Variants in LYN observed in about 807,000 individuals in gnomAD.
The protein encoded by LYN is tyrosine-protein kinase Lyn.
In LYN, 12 loss-of-function variants were observed where a neutral mutation model predicts 65.0. The observed-to-expected ratio is 0.18, with a 90% CI of 0.12 to 0.30. LYN has a LOEUF of 0.30. Ranked by LOEUF, LYN falls within the 10% of genes least tolerant of loss-of-function variation. The pLI is 1.00. For missense variants in LYN, 380 were observed against 623.2 expected (o/e 0.61, Z 4.16); for synonymous variants, 222 against 221.2 (o/e 1.00, Z -0.03).
chr8:56,011,931 G>T lies in LYN; in HGVS notation c.*1821G>T, dbSNP rs1048392023. Reference sequence around the variant, plus strand: ...ATGTTACATGGAGAGGAACTATAAAGAATCCCTAAGGCAAAAAGAAGTCTC... The same window carrying T: ...ATGTTACATGGAGAGGAACTATAAATAATCCCTAAGGCAAAAAGAAGTCTC... On this transcript the variant is annotated 3_prime_UTR_variant, in exon 13 of 13. Coordinates refer to ENST00000519728, the MANE Select transcript of LYN (RefSeq NM_002350.4). The T allele has an allele frequency of 1.1e-5, 2 of 187,346 alleles. No individual in the cohort carries two copies. Among genetic ancestry groups the T allele is most frequent in the East Asian group, 8.6e-5 (1 of 11,674 alleles). The allele number at this position is 187,346 out of a possible 1,614,324, so 11.6% of individuals were successfully genotyped here.
intron 1 of LYN, among the ~76,000 whole-genome samples, chr8:55,897,628 A>G (rs1160288916): frequency 1.3e-5 from 2 of 152,060 alleles, no homozygotes; most frequent in African/African-American, 4.8e-5. Context: ...AATAACTTTT[A>G]AGGTCAGGTG....
chr8:55,931,912 A>G (rs1015199260), intron 1 of LYN, among the ~76,000 whole-genome samples: 3 of 152,232 alleles, frequency 2.0e-5, no homozygotes, highest in South Asian at 2.1e-4. Context: ...TTCAAATGAC[A>G]TATCAACATT....
intron 12 of LYN, among the ~76,000 whole-genome samples, chr8:56,004,696 A>G (rs1331344570): frequency 6.6e-6 from 1 of 152,202 alleles, no homozygotes; most frequent in Non-Finnish European, 1.5e-5. Context: ...TGCTGCATAT[A>G]GTTCTAAATA....
intron 1 of LYN, among the ~76,000 whole-genome samples, chr8:55,910,848 T>C (rs982785745): frequency 6.6e-6 from 1 of 151,582 alleles, no homozygotes; most frequent in Non-Finnish European, 1.5e-5. Context: ...GCACCTCTGC[T>C]TTTTGTAGTT....
intron 12 of LYN, among the ~76,000 whole-genome samples, chr8:56,002,424 A>G (rs1445853601): frequency 2.0e-5 from 3 of 146,428 alleles, no homozygotes; most frequent in Non-Finnish European, 4.4e-5. Flanking sequence ...ATCTTAAAAA[A>G]ATAAAAAAAA....
chr8:55,917,365 G>T (rs1442161681), intron 1 of LYN, among the ~76,000 whole-genome samples: 1 of 152,052 alleles, frequency 6.6e-6, no homozygotes, highest in African/African-American at 2.4e-5. Flanking sequence ...TTAGTTTTTT[G>T]TAGAGATAGG....
At chr8:55,960,911 G>T (rs931227120) in intron 8 of LYN, among the ~76,000 whole-genome samples, 4 of 152,170 alleles carry the variant, frequency 2.6e-5, no homozygotes, top group Non-Finnish European at 4.4e-5. Context: ...TCTTGTTTGT[G>T]TGATCCTTGT....
chr8:56,009,776 A>G (rs772001798), intron 12 of LYN, 132 bp from the exon 13 acceptor site: 2 of 720,622 alleles, frequency 2.8e-6, no homozygotes, highest in South Asian at 3.7e-5. Flanking sequence ...TCAACCCCTA[A>G]CAGCCTCAGT....
At chr8:55,927,496 C>T (rs1376851636) in intron 1 of LYN, among the ~76,000 whole-genome samples, 2 of 152,086 alleles carry the variant, frequency 1.3e-5, no homozygotes, top group South Asian at 2.1e-4. Context: ...TATCCATTCA[C>T]CTAATGAAGG....
intron 10 of LYN, among the ~76,000 whole-genome samples, chr8:55,977,751 C>CAA (rs35305537): frequency 0.21 from 24,040 of 117,252 alleles, 2,461 homozygotes; most frequent in Non-Finnish European, 0.24. Context: ...CTATCTCTAC[C>CAA]AAAAAAAAAA....
At chr8:55,997,815 T>G (rs1413854713) in intron 10 of LYN, among the ~76,000 whole-genome samples, 1 of 152,236 alleles carries the variant, frequency 6.6e-6, no homozygotes, top group Non-Finnish European at 1.5e-5. Flanking sequence ...CCAGGCGCGG[T>G]GGCTCACGCC....
At chr8:55,969,911 C>A in intron 10 of LYN, 118 bp downstream of exon 10, 1 of 891,696 alleles carries the variant, frequency 1.1e-6, no homozygotes, top group Admixed American at 1.9e-5. Flanking sequence ...TTCCCAGCAG[C>A]AGTTATGAGA....
chr8:55,936,706 C>T (rs1378687122), intron 1 of LYN, among the ~76,000 whole-genome samples: 4 of 152,174 alleles, frequency 2.6e-5, no homozygotes, highest in Non-Finnish European at 5.9e-5. Context: ...GGTTCTACAG[C>T]ACTGTAGGGT....
chr8:55,919,118 T>C (rs1262086532), intron 1 of LYN, among the ~76,000 whole-genome samples: 1 of 151,040 alleles, frequency 6.6e-6, no homozygotes, highest in Non-Finnish European at 1.5e-5. Context: ...AGATAACACA[T>C]TTTAAGCAGA....
intron 6 of LYN, 50 bp downstream of exon 6, chr8:55,950,834 T>C (rs1340130181): frequency 1.5e-6 from 2 of 1,321,196 alleles, no homozygotes; most frequent in African/African-American, 1.4e-5. Flanking sequence ...GGAAATTATT[T>C]TTAGAAACTA....
intron 10 of LYN, 142 bp from the exon 11 acceptor site, chr8:55,998,204 A>T: frequency 1.8e-6 from 1 of 560,452 alleles, no homozygotes. Context: ...GATTGCCATT[A>T]CCCACTGTCT....
intron 1 of LYN, among the ~76,000 whole-genome samples, chr8:55,919,459 A>G (rs1026976378): frequency 6.6e-6 from 1 of 151,850 alleles, no homozygotes; most frequent in Non-Finnish European, 1.5e-5. Context: ...GGGTCTGGAA[A>G]CCCTCCCTCT....
rs1211576868 is a variant in LYN at position 55,889,165 on chromosome 8, C to G, written c.-6+9062C>G. Among the ~76,000 whole-genome samples, 6 of 152,146 alleles carry G rather than the reference C, an allele frequency of 3.9e-5. No individual in the cohort carries two copies. The South Asian group carries it at 1.2e-3, about 32-fold the overall frequency. ...TGGGTAGCTAGGATTACAGGCCCCG[C>G]CACCAGGCCTGCGTAATTTTTTTGT... On this transcript the variant is annotated intron_variant, in intron 1 of 12. Transcript: ENST00000519728.
intron 10 of LYN, chr8:55,980,326 T>G (rs1436861797): frequency 6.6e-6 from 1 of 152,272 alleles, no homozygotes; most frequent in Non-Finnish European, 1.5e-5. Context: ...ACAGGAGTTT[T>G]GAGCTGCTCC....
Sources: gnomAD v4.1 joint callset for allele counts (sites outside exome capture counted in the v4.1 genomes callset) on GRCh38, gnomAD v4.1.1 for gene constraint, MANE v1.5 for transcripts, NCBI Gene and HGNC (gene_info 2026-07-23, HGNC 2026-07-21) for gene names.